Variants in NRXN1 observed in about 807,000 individuals in gnomAD.
NRXN1 encodes neurexin-1.
A neutral mutation model predicts 150.9 loss-of-function variants in NRXN1; 39 were observed. The ratio of observed to expected loss-of-function variants is 0.26; its 90% CI spans 0.20 to 0.34. The LOEUF is 0.34. Ranked by LOEUF, NRXN1 falls within the 10% of genes least tolerant of loss-of-function variation. The probability of loss-of-function intolerance (pLI) is 1.00; values close to 1 mark genes in which losing one functional copy is unlikely to be tolerated. For missense variants in NRXN1, 1,815 were observed against 1,949.9 expected (o/e 0.93, Z 1.30); for synonymous variants, 924 against 757.0 (o/e 1.22, Z -3.62).
intron 5 of NRXN1, among the ~76,000 whole-genome samples, chr2:50,730,556 C>T (rs961432509): frequency 2.6e-5 from 4 of 152,084 alleles, no homozygotes; most frequent in African/African-American, 4.8e-5. Flanking sequence ...ACCAAAGACT[C>T]CCTACATCTC....
At chr2:50,363,163 T>A (rs919563066) in intron 17 of NRXN1, among the ~76,000 whole-genome samples, 1 of 152,170 alleles carries the variant, frequency 6.6e-6, no homozygotes, top group South Asian at 2.1e-4. Context: ...GGCAATAACA[T>A]TCAAAACATA....
At chr2:50,447,453 C>A (rs2086520589) in intron 17 of NRXN1, among the ~76,000 whole-genome samples, 1 of 118,474 alleles carries the variant, frequency 8.4e-6, no homozygotes. Context: ...GCTCTCCAGC[C>A]TGGGTGACAG....
chr2:50,202,622 C>T (rs2062259275), intron 18 of NRXN1, among the ~76,000 whole-genome samples: 1 of 152,154 alleles, frequency 6.6e-6, no homozygotes, highest in Non-Finnish European at 1.5e-5. Context: ...TCTGGGACCA[C>T]TGGTACTTTG....
intron 2 of NRXN1, among the ~76,000 whole-genome samples, chr2:51,000,483 T>A (rs1200170218): frequency 6.6e-6 from 1 of 151,988 alleles, no homozygotes; most frequent in Non-Finnish European, 1.5e-5. Flanking sequence ...ACACATTTTT[T>A]GAAATAATGG....
intron 5 of NRXN1, among the ~76,000 whole-genome samples, chr2:50,732,273 T>A (rs1279874345): frequency 6.6e-6 from 1 of 152,138 alleles, no homozygotes; most frequent in Non-Finnish European, 1.5e-5. Context: ...AGTCATCAAC[T>A]GAATGAAGGG....
intron 22 of NRXN1, among the ~76,000 whole-genome samples, chr2:49,937,076 T>C (rs148030589): frequency 6.6e-6 from 1 of 152,326 alleles, no homozygotes; most frequent in African/African-American, 2.4e-5. Flanking sequence ...CATCTCTTCG[T>C]AATATAAACA....
At chr2:50,541,551 A>C (rs72835363) in intron 9 of NRXN1, among the ~76,000 whole-genome samples, 8,840 of 152,236 alleles carry the variant, frequency 0.058, 371 homozygotes, top group South Asian at 0.2. Flanking sequence ...AAGAGAGTTC[A>C]AATAAGTTAT....
intron 19 of NRXN1, among the ~76,000 whole-genome samples, chr2:50,072,613 A>C (rs1696462098): frequency 7.4e-6 from 1 of 134,322 alleles, no homozygotes; most frequent in Non-Finnish European, 1.5e-5. Flanking sequence ...AAAAAAAAAA[A>C]TAAAACAGCA....
chr2:51,005,023 T>C (rs1700538357), intron 2 of NRXN1, among the ~76,000 whole-genome samples: 1 of 152,028 alleles, frequency 6.6e-6, no homozygotes, highest in Non-Finnish European at 1.5e-5. Context: ...TACATATAGA[T>C]ACACACCTGT....
intron 18 of NRXN1, among the ~76,000 whole-genome samples, chr2:50,208,235 C>G (rs1042984774): frequency 6.6e-6 from 1 of 152,110 alleles, no homozygotes; most frequent in Non-Finnish European, 1.5e-5. Context: ...ATCCAGTGGG[C>G]AGACCTCTTA....
chr2:50,220,784 G>C (rs1466051136), intron 18 of NRXN1, among the ~76,000 whole-genome samples: 1 of 151,926 alleles, frequency 6.6e-6, no homozygotes, highest in East Asian at 1.9e-4. Flanking sequence ...TTGGAAAATA[G>C]CTCATGGAAA....
intron 17 of NRXN1, among the ~76,000 whole-genome samples, chr2:50,413,095 C>T (rs2083303546): frequency 6.6e-6 from 1 of 152,090 alleles, no homozygotes; most frequent in South Asian, 2.1e-4. Flanking sequence ...AATCACATCA[C>T]GTTAAAAAGC....
chr2:50,203,643 G>C (rs1410867732), intron 18 of NRXN1, among the ~76,000 whole-genome samples: 1 of 152,102 alleles, frequency 6.6e-6, no homozygotes, highest in Non-Finnish European at 1.5e-5. Flanking sequence ...TGTTGTACAA[G>C]TCCATATTCT....
At chr2:50,025,339 G>A (rs565243623) in intron 21 of NRXN1, among the ~76,000 whole-genome samples, 1 of 152,276 alleles carries the variant, frequency 6.6e-6, no homozygotes, top group East Asian at 1.9e-4. Context: ...TAGCAAATAT[G>A]AGTAGGTAGA....
intron 18 of NRXN1, among the ~76,000 whole-genome samples, chr2:50,228,579 ATG>A (rs559389531): frequency 3.3e-5 from 5 of 152,002 alleles, no homozygotes; most frequent in Non-Finnish European, 7.4e-5. Context: ...TGGGATGGAG[ATG>A]TGTCTTTGGG....
At chr2:50,496,159 G>T (rs747534833) in intron 14 of NRXN1, 64 bp from the exon 15 acceptor site, 22 of 1,294,560 alleles carry the variant, frequency 1.7e-5, no homozygotes, top group Non-Finnish European at 2.4e-5. Flanking sequence ...ACCTAAAGTA[G>T]ATATTACAAA....
chr2:50,083,566 G>C (rs1432109565), intron 19 of NRXN1, among the ~76,000 whole-genome samples: 1 of 152,182 alleles, frequency 6.6e-6, no homozygotes, highest in Non-Finnish European at 1.5e-5. Flanking sequence ...AACAGCAAAA[G>C]AACAAGGCTT....
intron 19 of NRXN1, among the ~76,000 whole-genome samples, chr2:50,078,422 G>A (rs1344672204): frequency 6.6e-6 from 1 of 151,132 alleles, no homozygotes; most frequent in Non-Finnish European, 1.5e-5. Context: ...CTTTCATTCA[G>A]CTTTCCTCCT....
chr2:50,582,661 T>C (rs1672469020), intron 8 of NRXN1, among the ~76,000 whole-genome samples: 1 of 129,976 alleles, frequency 7.7e-6, no homozygotes. Context: ...CACTTTGGGA[T>C]CTGCCAGAAA....
Sources: gnomAD v4.1 joint callset for allele counts (sites outside exome capture counted in the v4.1 genomes callset) on GRCh38, gnomAD v4.1.1 for gene constraint, MANE v1.5 for transcripts, NCBI Gene and HGNC (gene_info 2026-07-23, HGNC 2026-07-21) for gene names.